The following HTT variants were observed in gnomAD, a reference collection of about 807,000 sequenced individuals.
HTT encodes the protein huntingtin.
A neutral mutation model predicts 362.3 loss-of-function variants in HTT; 104 were observed. The ratio of observed to expected loss-of-function variants is 0.29; its 90% CI spans 0.24 to 0.34. The LOEUF (loss-of-function observed/expected upper bound fraction) is 0.34. HTT is among the 10% of genes least tolerant of loss of function. HTT has a pLI of 1.00. For synonymous variants in HTT, 1,577 were observed against 1,548.7 expected (o/e 1.02, Z -0.43); for missense variants, 3,301 against 3,928.6 (o/e 0.84, Z 4.27).
At chr4:3,133,197 G>A (rs1012830881) in intron 18 of HTT, among the ~76,000 whole-genome samples, 1 of 151,986 alleles carries the variant, frequency 6.6e-6, no homozygotes, top group Non-Finnish European at 1.5e-5. Context: ...AAAGTCTGTT[G>A]AATATGCTGG....
chr4:3,187,617 T>C (rs1054882547), intron 38 of HTT, 34 bp from the exon 39 acceptor site: 1 of 1,483,968 alleles, frequency 6.7e-7, no homozygotes, highest in East Asian at 2.3e-5. Context: ...TCCTTTTTTC[T>C]TCAGCTGTGA....
In HTT at chr4:3,127,289, A is replaced by G. The variant is rs1329348444; in HGVS notation, c.1428A>G (p.Gly476=). 1 of 1,614,076 alleles carries G rather than the reference A, an allele frequency of 6.2e-7. No individual in the cohort carries two copies. The highest frequency in any genetic ancestry group is 1.1e-5 in the South Asian group (1 of 91,082). Residue 476 remains glycine, a synonymous_variant, in exon 12 of 67, where the codon GGA becomes GGG. Transcript: ENST00000355072. ...CCTCAGTGAAGGATGAGATCAGTGGAGAGCTGGCTGCTTCTTCAGGGGTTT... is the reference window on the plus strand; with the variant it reads ...CCTCAGTGAAGGATGAGATCAGTGGGGAGCTGGCTGCTTCTTCAGGGGTTT... ...LTASVKDEIS[G]ELAASSGVST... is the part of the protein sequence containing the mutation.
In HTT at chr4:3,130,562, G is replaced by A. The variant is rs363086; in HGVS notation, c.1986+139G>A. On this transcript the variant is annotated intron_variant, in intron 14 of 66. Coordinates refer to ENST00000355072, the MANE Select transcript of HTT (RefSeq NM_001388492.1). Reference sequence around the variant, plus strand: ...CCCTTTAAATACCAGCTCTTCCCAGGCCTGTTGTTTTCTGCCTTTCCAGGT... The same window carrying A: ...CCCTTTAAATACCAGCTCTTCCCAGACCTGTTGTTTTCTGCCTTTCCAGGT... 4.8e-4 allele frequency: 274 copies of A among 572,396 alleles called. 3 individuals carry two copies. The East Asian group carries it at 6.4e-3, about 13-fold the overall frequency. 35.5% of individuals were successfully genotyped at this position (572,396 alleles called of 1,614,324 possible).
intron 6 of HTT, among the ~76,000 whole-genome samples, chr4:3,113,956 A>G (rs1268815034): frequency 6.6e-6 from 1 of 152,154 alleles, no homozygotes; most frequent in Non-Finnish European, 1.5e-5. Context: ...AAAGACACAC[A>G]CACAGAAATA....
At position 3,163,042 on chromosome 4, in the gene HTT, G is replaced by A. The variant is rs190701517; in HGVS notation, c.3864+2650G>A. On this transcript the variant is annotated intron_variant, in intron 29 of 66. Coordinates refer to ENST00000355072, the MANE Select transcript of HTT (RefSeq NM_001388492.1). Reference sequence around the variant, plus strand: ...AATGCTTCCAGTTTTTGCCCATTCAGTATGATATTAGCTGTGGGTTTGTCA... The same window carrying A: ...AATGCTTCCAGTTTTTGCCCATTCAATATGATATTAGCTGTGGGTTTGTCA... Among the ~76,000 whole-genome samples, 27 of 152,316 alleles carry A rather than the reference G, an allele frequency of 1.8e-4. No homozygotes were observed. The East Asian group carries it at 4.8e-3, about 27-fold the overall frequency.
In HTT at chr4:3,147,006, G is replaced by A. The variant is rs1716635059; in HGVS notation, c.3295+58G>A. ...GACTTGGATTTTGATTTCCTTAGGG[G>A]GAATGGGGGTGGTGAGCATATGAGG... On this transcript the variant is annotated intron_variant, in intron 25 of 66. Coordinates refer to ENST00000355072, the MANE Select transcript of HTT (RefSeq NM_001388492.1). The A allele has an allele frequency of 4.5e-6, 7 of 1,548,194 alleles. No individual in the cohort carries two copies. In the South Asian group the frequency reaches 7.8e-5, roughly 17 times the overall value.
intron 36 of HTT, among the ~76,000 whole-genome samples, chr4:3,181,669 TATTTA>T (rs1718531847): frequency 6.6e-6 from 1 of 152,190 alleles, no homozygotes; most frequent in Non-Finnish European, 1.5e-5. Context: ...ACCCCTGTAG[TATTTA>T]ATTAAATACT....
intron 66 of HTT, 137 bp downstream of exon 66, chr4:3,239,115 A>T (rs146968849): frequency 2.2e-6 from 2 of 915,298 alleles, no homozygotes; most frequent in Non-Finnish European, 1.6e-6. Flanking sequence ...AGCCCCAGGG[A>T]AGTAAAATGC....
chr4:3,193,055 A>T (rs1337586734), intron 40 of HTT, among the ~76,000 whole-genome samples: 1 of 152,256 alleles, frequency 6.6e-6, no homozygotes, highest in Non-Finnish European at 1.5e-5. Context: ...AGAAGTAGCT[A>T]GCTTTTTGCA....
intron 26 of HTT, among the ~76,000 whole-genome samples, chr4:3,154,074 T>C (rs1477562404): frequency 6.6e-6 from 1 of 152,148 alleles, no homozygotes; most frequent in Non-Finnish European, 1.5e-5. Flanking sequence ...TGTTAGGAAG[T>C]TGTGGGCCAG....
At chr4:3,149,246 A>T (rs1716759783) in intron 26 of HTT, among the ~76,000 whole-genome samples, 1 of 152,128 alleles carries the variant, frequency 6.6e-6, no homozygotes, top group Non-Finnish European at 1.5e-5. Context: ...ACTTCAAAAC[A>T]AATGTTAACT....
Position 3,140,611 on chromosome 4 carries a change from A to T in HTT, c.2900A>T (p.His967Leu). 1 of 1,614,224 alleles carries T rather than the reference A, an allele frequency of 6.2e-7. No individual in the cohort carries two copies. The highest frequency in any genetic ancestry group is 1.3e-5 in the African/African-American group (1 of 75,076). The stretch of plus-strand genomic sequence containing the variant: ...AGTGTTTACCTGAAACTTCTCATGC[A>T]TGAGACGCAGCCTCCATCTCATTTC... Reference protein sequence around the residue: ...QSSVYLKLLMHETQPPSHFSV... With the variant: ...QSSVYLKLLMLETQPPSHFSV... Residue 967 changes from histidine (H) to leucine (L), a missense_variant, in exon 22 of 67, where the codon CAT becomes CTT. Around this residue, in one of 4 missense-constraint regions of HTT, gnomAD observed 2,316 missense variants for 2,658.5 expected, o/e 0.87. Coordinates refer to ENST00000355072, the MANE Select transcript of HTT (RefSeq NM_001388492.1).
chr4:3,196,683 G>T (rs1056999753), intron 40 of HTT, among the ~76,000 whole-genome samples: 1 of 151,834 alleles, frequency 6.6e-6, no homozygotes, highest in African/African-American at 2.4e-5. Context: ...AGCTACAGTG[G>T]GCTGTGATCG....
intron 9 of HTT, chr4:3,121,663 G>C: frequency 4.6e-6 from 1 of 215,294 alleles, no homozygotes. Context: ...AGGAGTTTGA[G>C]ACAACCTGGC....
chr4:3,157,283 A>G, intron 28 of HTT, 84 bp downstream of exon 28: 1 of 1,276,360 alleles, frequency 7.8e-7, no homozygotes, highest in Admixed American at 2.1e-5. Flanking sequence ...TATGATTTGT[A>G]GGATGTATAA....
At chr4:3,229,770 A>G (rs1212886907) in intron 59 of HTT, 117 bp from the exon 60 acceptor site, 1 of 1,115,026 alleles carries the variant, frequency 9.0e-7, no homozygotes, top group East Asian at 2.4e-5. Flanking sequence ...TGCGTCCCGC[A>G]CAGTAATGTC....
intron 5 of HTT, among the ~76,000 whole-genome samples, chr4:3,106,181 C>T (rs1437979952): frequency 6.6e-6 from 1 of 152,116 alleles, no homozygotes; most frequent in Non-Finnish European, 1.5e-5. Context: ...CATGGTGAAA[C>T]GCCGCCTCTA....
chr4:3,204,738 G>A (rs1309525861), intron 42 of HTT, among the ~76,000 whole-genome samples: 1 of 152,124 alleles, frequency 6.6e-6, no homozygotes, highest in Non-Finnish European at 1.5e-5. Flanking sequence ...GAAGCTGAGG[G>A]CGGAGGATGG....
At chr4:3,191,468 G>A (rs768832934) in intron 40 of HTT, among the ~76,000 whole-genome samples, 2 of 152,032 alleles carry the variant, frequency 1.3e-5, no homozygotes, top group Non-Finnish European at 2.9e-5. Context: ...CACCGCACCC[G>A]GCCCGAGCTT....
Sources: allele counts gnomAD v4.1 joint callset (sites outside exome capture counted in the v4.1 genomes callset), GRCh38; gene constraint gnomAD v4.1.1; regional missense constraint gnomAD v4.1.1; transcripts MANE v1.5; gene names NCBI Gene and HGNC (gene_info 2026-07-23, HGNC 2026-07-21).